Variants in CDH12 observed in about 807,000 individuals in gnomAD.
CDH12 encodes cadherin 12, also known as cadherin-12.
A neutral mutation model predicts 74.1 loss-of-function variants in CDH12; 41 were observed. The ratio of observed to expected loss-of-function variants is 0.55; its 90% CI spans 0.43 to 0.72. The LOEUF (loss-of-function observed/expected upper bound fraction) is 0.72, where lower values mean the gene tolerates loss of function less well. Among genes scored for constraint, CDH12 ranks in the 30% least tolerant of loss-of-function variants. The pLI is 0.00. For missense variants in CDH12, 945 were observed against 977.2 expected, an observed-to-expected ratio of 0.97 and a Z score of 0.44; for synonymous variants, 399 against 355.0, an observed-to-expected ratio of 1.12 and a Z score of -1.39.
chr5:22,328,886 G>A (rs1739232635), intron 3 of CDH12, among the ~76,000 whole-genome samples: 1 of 152,132 alleles, frequency 6.6e-6, no homozygotes, highest in African/African-American at 2.4e-5. Context: ...CATTTCCCAA[G>A]GAAGTTGGAA....
chr5:21,754,580 C>T (rs1026078806), intron 14 of CDH12, among the ~76,000 whole-genome samples: 21 of 152,246 alleles, frequency 1.4e-4, no homozygotes, highest in African/African-American at 4.8e-4. Context: ...TCACCTTCTA[C>T]GTCAGCATGA....
chr5:21,960,364 T>C (rs548878718), intron 6 of CDH12, among the ~76,000 whole-genome samples: 61 of 152,218 alleles, frequency 4.0e-4, no homozygotes, highest in African/African-American at 1.4e-3. Flanking sequence ...CAAGGAACTC[T>C]ACTGAATACA....
intron 8 of CDH12, among the ~76,000 whole-genome samples, chr5:21,827,232 T>G (rs1748727744): frequency 6.6e-6 from 1 of 152,198 alleles, no homozygotes. Flanking sequence ...AATATTTGGT[T>G]GATCCATAAG....
chr5:22,837,153 T>C (rs192059059), intron 1 of CDH12, among the ~76,000 whole-genome samples: 1 of 152,260 alleles, frequency 6.6e-6, no homozygotes, highest in East Asian at 1.9e-4. Flanking sequence ...GTATGGTGGC[T>C]TATGCCTGTA....
chr5:22,160,940 T>C (rs1490098632), intron 4 of CDH12, among the ~76,000 whole-genome samples: 1 of 152,160 alleles, frequency 6.6e-6, no homozygotes, highest in Non-Finnish European at 1.5e-5. Flanking sequence ...AGATGATTCA[T>C]GCTAGAGGGT....
intron 4 of CDH12, among the ~76,000 whole-genome samples, chr5:22,117,465 TA>T (rs1745196955): frequency 3.1e-5 from 2 of 65,298 alleles, no homozygotes; most frequent in African/African-American, 1.1e-4. Flanking sequence ...ATATTATATA[TA>T]TAATATATAT....
At chr5:22,592,471 A>T (rs860612) in intron 1 of CDH12, among the ~76,000 whole-genome samples, 1 of 149,822 alleles carries the variant, frequency 6.7e-6, no homozygotes, top group Non-Finnish European at 1.5e-5. Context: ...TAGTTTACTT[A>T]TCTCTTGTGC....
intron 3 of CDH12, among the ~76,000 whole-genome samples, chr5:22,283,751 T>C (rs1347623479): frequency 6.6e-6 from 1 of 152,068 alleles, no homozygotes; most frequent in Non-Finnish European, 1.5e-5. Context: ...ATTCTGACAA[T>C]AGATCTTTAA....
intron 1 of CDH12, chr5:22,580,408 C>T: frequency 2.0e-6 from 1 of 499,166 alleles, no homozygotes; most frequent in Non-Finnish European, 4.1e-6. Context: ...GGGTAGGGAG[C>T]ATCCTCAGAA....
intron 4 of CDH12, among the ~76,000 whole-genome samples, chr5:22,183,613 A>C (rs894117919): frequency 6.6e-6 from 1 of 152,180 alleles, no homozygotes; most frequent in Non-Finnish European, 1.5e-5. Context: ...CTTAAAATAC[A>C]GCATTTACTC....
At chr5:22,765,053 A>G (rs1746429172) in intron 1 of CDH12, among the ~76,000 whole-genome samples, 1 of 151,978 alleles carries the variant, frequency 6.6e-6, no homozygotes, top group African/African-American at 2.4e-5. Context: ...AATACATTAG[A>G]ATATCCATGT....
intron 3 of CDH12, among the ~76,000 whole-genome samples, chr5:22,395,541 G>A (rs1742418499): frequency 6.6e-6 from 1 of 152,058 alleles, no homozygotes; most frequent in South Asian, 2.1e-4. Context: ...GTTTCTCTAA[G>A]TGTCTGACAT....
At chr5:21,926,782 G>A (rs1258218255) in intron 6 of CDH12, among the ~76,000 whole-genome samples, 4 of 152,312 alleles carry the variant, frequency 2.6e-5, no homozygotes, top group Admixed American at 2.6e-4. Flanking sequence ...AGGAGCGGGA[G>A]TGAAGGCCGA....
intron 1 of CDH12, among the ~76,000 whole-genome samples, chr5:22,536,091 T>C (rs1221363721): frequency 1.3e-5 from 2 of 152,212 alleles, no homozygotes; most frequent in African/African-American, 4.8e-5. Context: ...TGAGTATCTT[T>C]GGGTTTTGGT....
At chr5:22,075,270 C>T (rs1404640613) in intron 5 of CDH12, among the ~76,000 whole-genome samples, 3 of 130,964 alleles carry the variant, frequency 2.3e-5, no homozygotes, top group East Asian at 2.2e-4. Context: ...TGAGAACACT[C>T]GGACACTTGA....
chr5:22,232,417 G>A (rs1210653018), intron 3 of CDH12, among the ~76,000 whole-genome samples: 1 of 151,794 alleles, frequency 6.6e-6, no homozygotes, highest in Non-Finnish European at 1.5e-5. Context: ...TCAGAACTAA[G>A]TGATAAAAAG....
intron 1 of CDH12, among the ~76,000 whole-genome samples, chr5:22,633,016 C>G (rs1022084881): frequency 6.6e-6 from 1 of 152,098 alleles, no homozygotes; most frequent in Non-Finnish European, 1.5e-5. Flanking sequence ...AGCTGACTTT[C>G]CATCAGAAAC....
chr5:22,475,299 T>C (rs1404949030), intron 2 of CDH12, among the ~76,000 whole-genome samples: 1 of 152,090 alleles, frequency 6.6e-6, no homozygotes, highest in East Asian at 1.9e-4. Context: ...GGAAATGTTT[T>C]AAGTCTATAC....
At chr5:21,962,445 T>C (rs1756401134) in intron 6 of CDH12, among the ~76,000 whole-genome samples, 3 of 152,210 alleles carry the variant, frequency 2.0e-5, no homozygotes, top group African/African-American at 7.2e-5. Flanking sequence ...TTTTTTGTTC[T>C]ATCATTGTGA....
Sources: allele counts gnomAD v4.1 joint callset (sites outside exome capture counted in the v4.1 genomes callset), GRCh38; gene constraint gnomAD v4.1.1; transcripts MANE v1.5; gene names NCBI Gene and HGNC (gene_info 2026-07-23, HGNC 2026-07-21).